IFIT1: variants seen among roughly 807,000 people sequenced by gnomAD.
IFIT1 encodes the protein interferon induced protein with tetratricopeptide repeats 1, also known as antiviral innate immune response effector IFIT1.
A neutral mutation model predicts 2.5 loss-of-function variants in IFIT1; 1 was observed. The ratio of observed to expected loss-of-function variants is 0.40; its 90% CI spans 0.14 to 1.92. IFIT1 has a LOEUF of 1.92. Among genes scored for constraint, IFIT1 ranks in the 40% most tolerant of loss-of-function variants. IFIT1 has a pLI of 0.31. For missense variants in IFIT1, 508 were observed against 557.8 expected (o/e 0.91, Z 0.90); for synonymous variants, 191 against 201.7 (o/e 0.95, Z 0.45).
At position 89,405,592 on chromosome 10, in the gene IFIT1, C is replaced by A. The variant is rs536561534; in HGVS notation, c.*1880C>A. On this transcript the variant is annotated 3_prime_UTR_variant, in exon 2 of 2. Coordinates refer to ENST00000371804, the MANE Select transcript of IFIT1 (RefSeq NM_001548.5). ...GTCAAGGTATTGATGACGCTACACT[C>A]CTCCGGAGGCTCTAGGCAGATAGCC... The A allele has an allele frequency of 6.6e-6, 1 of 152,304 alleles. No individual in the cohort carries two copies. Among genetic ancestry groups the A allele is most frequent in the South Asian group, 2.1e-4 (1 of 4,830 alleles). 9.4% of individuals were successfully genotyped at this position (152,304 alleles called of 1,614,324 possible).
intron 1 of IFIT1, among the ~76,000 whole-genome samples, chr10:89,395,355 C>T (rs1844326840): frequency 6.6e-6 from 1 of 152,178 alleles, no homozygotes. Flanking sequence ...GCCCACATTC[C>T]CCACTCGCTG....
chr10:89,401,226 C>G (rs1158279381), intron 1 of IFIT1, among the ~76,000 whole-genome samples: 1 of 151,930 alleles, frequency 6.6e-6, no homozygotes, highest in Non-Finnish European at 1.5e-5. Context: ...AAGCGATTCT[C>G]CTGCCTCAGC....
Position 89,403,060 on chromosome 10 carries a change from G to A in IFIT1, c.785G>A (p.Arg262Gln), listed in dbSNP as rs749838277. 273 of 1,614,068 alleles carry A rather than the reference G, an allele frequency of 1.7e-4. No homozygotes were observed. Among genetic ancestry groups the A allele is most frequent in the Non-Finnish European group, 2.2e-4 (263 of 1,180,040 alleles). ...TTTCGATATGCAGCCAAGTTTTACC[G>A]AAGAAAAGGCTCTGTGGATAAAGCT... ...YVFRYAAKFY[R>Q]RKGSVDKALE... The change falls in exon 2 of 2, where the codon CGA (arginine) becomes CAA (glutamine). Residue 262 changes from arginine (R) to glutamine (Q), a missense_variant. Coordinates refer to ENST00000371804, the MANE Select transcript of IFIT1 (RefSeq NM_001548.5).
At chr10:89,393,073 C>T (rs1844281439) in intron 1 of IFIT1, 1 of 1,157,942 alleles carries the variant, frequency 8.6e-7, no homozygotes, top group East Asian at 5.1e-5. Flanking sequence ...AAGGAATGGA[C>T]AGCTTGTCTG....
intron 1 of IFIT1, among the ~76,000 whole-genome samples, chr10:89,400,743 T>C (rs570727274): frequency 6.6e-6 from 1 of 152,238 alleles, no homozygotes; most frequent in African/African-American, 2.4e-5. Flanking sequence ...CCAACTTGGA[T>C]GTCTTGTATT....
chr10:89,401,723 A>G (rs2133628039), intron 1 of IFIT1, among the ~76,000 whole-genome samples: 1 of 152,128 alleles, frequency 6.6e-6, no homozygotes, highest in African/African-American at 2.4e-5. Flanking sequence ...TGAAGGATAC[A>G]CTGGATCTCT....
Position 89,402,814 on chromosome 10 carries a change from G to A in IFIT1, c.539G>A (p.Gly180Glu). 1 of 1,614,160 alleles carries A rather than the reference G, an allele frequency of 6.2e-7. No individual in the cohort carries two copies. Among genetic ancestry groups the A allele is most frequent in the Non-Finnish European group, 8.5e-7 (1 of 1,180,048 alleles). Reference protein sequence around the residue: ...VDPENPESSAGYAISAYRLDG... With the variant: ...VDPENPESSAEYAISAYRLDG... ...CCTGAAAACCCTGAATCCAGCGCTG[G>A]GTATGCGATCTCTGCCTATCGCCTG... is the stretch of plus-strand genomic sequence containing the variant. Residue 180 changes from glycine (G) to glutamate (E), a missense_variant, in exon 2 of 2, where the codon GGG (glycine) becomes GAG (glutamate). Transcript: ENST00000371804.
At chr10:89,394,021 A>C (rs796238036) in intron 1 of IFIT1, among the ~76,000 whole-genome samples, 12 of 152,352 alleles carry the variant, frequency 7.9e-5, no homozygotes, top group African/African-American at 2.9e-4. Context: ...AGATACTTAT[A>C]AGGCAGGTAC....
rs985845852 is a variant in IFIT1, at chr10:89,404,504, T to G, written c.*792T>G. The G allele has an allele frequency of 6.6e-6, 1 of 152,280 alleles. No individual in the cohort carries two copies. The highest frequency in any genetic ancestry group is 2.4e-5 in the African/African-American group (1 of 41,462). 9.4% of individuals were successfully genotyped at this position (152,280 alleles called of 1,614,324 possible). A position where few individuals can be genotyped will look rare whatever the true frequency, so the allele number is the denominator to read the frequency against. On this transcript the variant is annotated 3_prime_UTR_variant, in exon 2 of 2. Transcript: ENST00000371804. ...TGTGACATACATGTTTACATACCAC[T>G]ATTGTGTGACTGCCCCTCATGAATA...
intron 1 of IFIT1, among the ~76,000 whole-genome samples, chr10:89,397,987 A>G (rs1400801078): frequency 6.6e-6 from 1 of 152,190 alleles, no homozygotes; most frequent in African/African-American, 2.4e-5. Context: ...CATTCACTTT[A>G]TTGTGCAACC....
At chr10:89,392,741 C>A in intron 1 of IFIT1, 24 bp downstream of exon 1, 1 of 1,612,480 alleles carries the variant, frequency 6.2e-7, no homozygotes, top group Non-Finnish European at 8.5e-7. Context: ...TGCTCCTCTG[C>A]CATAATGTCT....
intron 1 of IFIT1, among the ~76,000 whole-genome samples, chr10:89,395,319 C>T (rs757365758): frequency 1.1e-4 from 17 of 152,070 alleles, no homozygotes; most frequent in Non-Finnish European, 2.4e-4. Flanking sequence ...ACCTAGGTAA[C>T]GCCCTGGCCT....
chr10:89,396,049 C>G (rs561877151), intron 1 of IFIT1, among the ~76,000 whole-genome samples: 36 of 152,214 alleles, frequency 2.4e-4, no homozygotes, highest in African/African-American at 8.4e-4. Context: ...CATCTGTGTG[C>G]AAGTTTTTAT....
intron 1 of IFIT1, among the ~76,000 whole-genome samples, chr10:89,398,159 G>A (rs1403155964): frequency 1.3e-5 from 2 of 152,204 alleles, no homozygotes; most frequent in Non-Finnish European, 2.9e-5. Context: ...AAGGTCAGAA[G>A]GTTCTGCAGA....
intron 1 of IFIT1, among the ~76,000 whole-genome samples, chr10:89,400,742 A>T (rs949351760): frequency 6.6e-6 from 1 of 152,154 alleles, no homozygotes; most frequent in Non-Finnish European, 1.5e-5. Context: ...TCCAACTTGG[A>T]TGTCTTGTAT....
In IFIT1 at chr10:89,403,598, C is replaced by G; in HGVS notation, c.1323C>G (p.Ser441Arg). ...RRKALDLESL[S>R]LLGFVYKLEG... ...AGGCATTAGATCTGGAAAGCTTGAG[C>G]CTCCTTGGGTTCGTCTACAAATTGG... The change falls in exon 2 of 2, where the codon AGC (serine) becomes AGG (arginine). Residue 441 changes from serine (S) to arginine (R), a missense_variant. Transcript: ENST00000371804. 1.2e-6 allele frequency: 2 copies of G among 1,613,854 alleles called. No individual in the cohort carries two copies. Among genetic ancestry groups the G allele is most frequent in the Non-Finnish European group, 1.7e-6 (2 of 1,179,798 alleles).
chr10:89,398,316 C>T (rs781042316), intron 1 of IFIT1, among the ~76,000 whole-genome samples: 2 of 152,156 alleles, frequency 1.3e-5, no homozygotes, highest in Admixed American at 1.3e-4. Context: ...CATCCACATG[C>T]GTGATGTTCC....
At chr10:89,394,628 A>ATATATATATATAT (rs1491430146) in intron 1 of IFIT1, among the ~76,000 whole-genome samples, 1 of 28,152 alleles carries the variant, frequency 3.6e-5, no homozygotes, top group Non-Finnish European at 5.7e-5. Context: ...ATATATATAT[A>ATATATATATATAT]AAACTTGAAT....
intron 1 of IFIT1, among the ~76,000 whole-genome samples, chr10:89,394,235 A>G (rs1387924588): frequency 6.6e-6 from 1 of 152,238 alleles, no homozygotes; most frequent in African/African-American, 2.4e-5. Context: ...AAACATATTT[A>G]AACATAGAGT....
Sources: gnomAD v4.1 joint callset for allele counts (sites outside exome capture counted in the v4.1 genomes callset) on GRCh38, gnomAD v4.1.1 for gene constraint, MANE v1.5 for transcripts, NCBI Gene and HGNC (gene_info 2026-07-23, HGNC 2026-07-21) for gene names.